Variants in DNM3 observed in about 807,000 individuals in gnomAD.
The protein encoded by DNM3 is dynamin 3.
Under a neutral mutation model 101.6 loss-of-function variants are expected in DNM3, and 47 were observed. The ratio of observed to expected loss-of-function variants is 0.46; its 90% CI spans 0.37 to 0.59. The LOEUF is 0.59. Ranked by LOEUF, DNM3 falls within the 20% of genes least tolerant of loss-of-function variation. The pLI is 0.00. For missense variants in DNM3, 849 were observed against 1,085.7 expected (o/e 0.78, Z 3.06); for synonymous variants, 385 against 387.9 (o/e 0.99, Z 0.09).
intron 2 of DNM3, among the ~76,000 whole-genome samples, chr1:171,952,118 C>G (rs2042567584): frequency 2.6e-5 from 4 of 152,124 alleles, no homozygotes. Context: ...GTAGATGAAG[C>G]CTCCAGGTAA....
intron 6 of DNM3, among the ~76,000 whole-genome samples, chr1:172,034,952 G>A (rs1024981500): frequency 5.3e-5 from 8 of 152,008 alleles, no homozygotes; most frequent in Admixed American, 4.6e-4. Context: ...CTGAGTAGAG[G>A]AACAACAAGA....
In DNM3 at chr1:172,038,523, C is replaced by T; in HGVS notation, c.992+62C>T. On this transcript the variant is annotated intron_variant, in intron 7 of 20. Transcript: ENST00000627582. ...ATCTAATTTCTTTAGTTTTCTATTGCCTTAGTCTATTTGTCACGTTGCTTC... is the reference window on the plus strand; with the variant it reads ...ATCTAATTTCTTTAGTTTTCTATTGTCTTAGTCTATTTGTCACGTTGCTTC... 3.2e-6 allele frequency: 5 copies of T among 1,582,962 alleles called. No homozygotes were observed. The South Asian group carries it at 4.7e-5, about 15-fold the overall frequency.
At chr1:171,875,813 C>CTCTTTTTTTTTTT (rs764794980) in intron 1 of DNM3, among the ~76,000 whole-genome samples, 1 of 104,682 alleles carries the variant, frequency 9.6e-6, no homozygotes, top group Admixed American at 1.0e-4. Context: ...AGTTGTCTCT[C>CTCTTTTTTTTTTT]TTTTTTTTTT....
At chr1:171,863,059 T>TA (rs2034344314) in intron 1 of DNM3, among the ~76,000 whole-genome samples, 1 of 147,754 alleles carries the variant, frequency 6.8e-6, no homozygotes, top group East Asian at 1.9e-4. Flanking sequence ...TTTTTTTTTT[T>TA]AAAGACAATA....
intron 17 of DNM3, among the ~76,000 whole-genome samples, chr1:172,335,422 G>T (rs895048173): frequency 1.3e-5 from 2 of 152,064 alleles, no homozygotes; most frequent in South Asian, 4.1e-4. Context: ...TTATAATTAT[G>T]ATGAATTATA....
downstream of DNM3, among the ~76,000 whole-genome samples, chr1:172,414,825 C>A (rs574144807): frequency 2.7e-5 from 4 of 146,276 alleles, no homozygotes; most frequent in East Asian, 7.9e-4. Context: ...TTCCAGCTAC[C>A]GGAGAGGCTG....
intron 14 of DNM3, among the ~76,000 whole-genome samples, chr1:172,174,191 A>G (rs1447601517): frequency 5.3e-5 from 8 of 151,674 alleles, no homozygotes; most frequent in Non-Finnish European, 4.4e-5. Context: ...ATTAGAAAAT[A>G]TTTCTTAAAA....
In DNM3 at chr1:172,066,973, TGTTTG is replaced by T. The variant is rs2051728105; in HGVS notation, c.1336-1845_1336-1841del. Among the ~76,000 whole-genome samples, 12 of 151,002 alleles carry T rather than the reference TGTTTG, an allele frequency of 7.9e-5. No homozygotes were observed. The East Asian group carries it at 1.6e-3, about 20-fold the overall frequency. ...GTGTTTGTGTGTGTGTGTGTGTGTG[TGTTTG>T]TGTGTGTGTGCGCGCGTGCAAGACT... On this transcript the variant is annotated intron_variant, in intron 10 of 20. Transcript: ENST00000627582.
intron 14 of DNM3, among the ~76,000 whole-genome samples, chr1:172,195,251 G>A (rs1054002998): frequency 1.3e-5 from 2 of 151,922 alleles, no homozygotes; most frequent in East Asian, 1.9e-4. Context: ...ATAGGAAGGC[G>A]ATTGACTTTT....
intron 10 of DNM3, among the ~76,000 whole-genome samples, chr1:172,063,588 A>T (rs1319005382): frequency 2.0e-5 from 3 of 151,832 alleles, no homozygotes; most frequent in Admixed American, 1.3e-4. Context: ...ATATTATATT[A>T]TTTCTCCATT....
chr1:171,885,170 C>G (rs937320841), intron 1 of DNM3, among the ~76,000 whole-genome samples: 1 of 151,812 alleles, frequency 6.6e-6, no homozygotes, highest in Admixed American at 6.6e-5. Context: ...TTGCAGCTGG[C>G]TTTTGATGAG....
At chr1:171,851,110 T>A (rs1468268012) in intron 1 of DNM3, among the ~76,000 whole-genome samples, 1 of 152,208 alleles carries the variant, frequency 6.6e-6, no homozygotes, top group African/African-American at 2.4e-5. Context: ...TGTCATCTGC[T>A]GGTCTTCTCA....
At chr1:172,241,946 G>A (rs1385701029) in intron 14 of DNM3, among the ~76,000 whole-genome samples, 1 of 152,186 alleles carries the variant, frequency 6.6e-6, no homozygotes, top group African/African-American at 2.4e-5. Context: ...ATTGGAAGAA[G>A]TGTTGAGATA....
rs555440107 is a variant in DNM3, at chr1:172,082,920, C to T, written c.1493+1018C>T. 3.9e-4 allele frequency among the ~76,000 whole-genome samples: 59 copies of T among 152,248 alleles called. No homozygotes were observed. The South Asian group carries it at 7.3e-3, about 19-fold the overall frequency. On this transcript the variant is annotated intron_variant, in intron 12 of 20. Transcript: ENST00000627582. ...TGTAAATATCTTTTGCATCCAATGA[C>T]GATTACTAGTGAAGGGTAGATAAGA...
At chr1:172,234,484 A>G (rs2061461085) in intron 14 of DNM3, among the ~76,000 whole-genome samples, 1 of 152,170 alleles carries the variant, frequency 6.6e-6, no homozygotes, top group Non-Finnish European at 1.5e-5. Flanking sequence ...ATTCAATGCC[A>G]TCCCCATCAA....
In DNM3 at chr1:172,033,153, A is replaced by C; in HGVS notation, c.737A>C (p.Lys246Thr). ...NRSQKDIDGK[K>T]DIKAAMLAER... is the part of the protein sequence containing the mutation. ...AGCCAGAAGGACATAGATGGGAAGA[A>C]GGACATAAAGGCAGCCATGCTGGCA... Residue 246 changes from lysine (K) to threonine (T), a missense_variant, in exon 6 of 21, where the codon AAG (lysine) becomes ACG (threonine). Around this residue, in one of 5 missense-constraint regions of DNM3, gnomAD observed 388 missense variants for 483.0 expected, o/e 0.80. Coordinates refer to ENST00000627582, the MANE Select transcript of DNM3 (RefSeq NM_015569.5). 1 of 1,612,522 alleles carries C rather than the reference A, an allele frequency of 6.2e-7. No homozygotes were observed. The highest frequency in any genetic ancestry group is 8.5e-7 in the Non-Finnish European group (1 of 1,179,276).
chr1:171,947,713 C>A (rs1361915279), intron 2 of DNM3, among the ~76,000 whole-genome samples: 1 of 152,144 alleles, frequency 6.6e-6, no homozygotes, highest in African/African-American at 2.4e-5. Flanking sequence ...TGTTTTTACT[C>A]TTTGCGCATC....
At chr1:171,926,691 A>C (rs1044407166) in intron 2 of DNM3, among the ~76,000 whole-genome samples, 6 of 152,042 alleles carry the variant, frequency 3.9e-5, no homozygotes, top group Non-Finnish European at 7.4e-5. Context: ...TGTTTTGGCT[A>C]TCCTGGGTCT....
At chr1:171,871,160 C>T (rs1050255950) in intron 1 of DNM3, among the ~76,000 whole-genome samples, 2 of 152,078 alleles carry the variant, frequency 1.3e-5, no homozygotes, top group African/African-American at 4.8e-5. Flanking sequence ...TACATGTTGT[C>T]GAGAAATAAG....
Sources: allele counts gnomAD v4.1 joint callset (sites outside exome capture counted in the v4.1 genomes callset), GRCh38; gene constraint gnomAD v4.1.1; regional missense constraint gnomAD v4.1.1; transcripts MANE v1.5; gene names NCBI Gene and HGNC (gene_info 2026-07-23, HGNC 2026-07-21).